Variants in ARID1A observed in about 807,000 individuals in gnomAD.
ARID1A encodes the protein AT-rich interactive domain-containing protein 1A.
ARID1A carries 20 observed loss-of-function variants against 212.6 expected under a neutral mutation model. The observed-to-expected ratio is 0.09, with a 90% CI of 0.07 to 0.14. The LOEUF (loss-of-function observed/expected upper bound fraction) is 0.14. Ranked by LOEUF, ARID1A falls within the 10% of genes least tolerant of loss-of-function variation. The pLI, the probability that ARID1A is intolerant of heterozygous loss-of-function variation, is 1.00. For synonymous variants in ARID1A, 1,376 were observed against 1,222.1 expected, an observed-to-expected ratio of 1.13 and a Z score of -2.63; for missense variants, 2,587 against 3,059.0, an observed-to-expected ratio of 0.85 and a Z score of 3.64.
intron 8 of ARID1A, 149 bp from the exon 9 acceptor site, chr1:26,766,071 TG>T: frequency 1.2e-6 from 1 of 838,518 alleles, no homozygotes; most frequent in Non-Finnish European, 1.8e-6. Flanking sequence ...AAATAATATC[TG>T]GATGTTGCAT....
chr1:26,769,668 C>T (rs2081067547), intron 11 of ARID1A: 1 of 152,244 alleles, frequency 6.6e-6, no homozygotes, highest in African/African-American at 2.4e-5. Flanking sequence ...ATCATATCAG[C>T]AGACATTACA....
intron 1 of ARID1A, 161 bp from the exon 2 acceptor site, chr1:26,729,490 G>T: frequency 1.3e-6 from 1 of 755,360 alleles, no homozygotes; most frequent in Non-Finnish European, 2.2e-6. Flanking sequence ...TCTGAGGCGG[G>T]TCAGTTGACT....
At chr1:26,722,287 C>T (rs936705427) in intron 1 of ARID1A, among the ~76,000 whole-genome samples, 1 of 152,120 alleles carries the variant, frequency 6.6e-6, no homozygotes, top group Non-Finnish European at 1.5e-5. Context: ...GCTCTGTCAC[C>T]CAGGCTGGAG....
chr1:26,767,738 CA>C, intron 10 of ARID1A, 51 bp from the exon 11 acceptor site: 1 of 1,509,786 alleles, frequency 6.6e-7, no homozygotes, highest in Middle Eastern at 1.8e-4. Flanking sequence ...AGACCCTTAG[CA>C]CAGGCTTTGA....
chr1:26,725,314 G>A (rs1447992173), intron 1 of ARID1A, among the ~76,000 whole-genome samples: 1 of 152,102 alleles, frequency 6.6e-6, no homozygotes, highest in African/African-American at 2.4e-5. Context: ...AAACTGATTA[G>A]TGAATATTTA....
chr1:26,751,352 G>C (rs1478971467), intron 4 of ARID1A, among the ~76,000 whole-genome samples: 1 of 152,080 alleles, frequency 6.6e-6, no homozygotes, highest in Non-Finnish European at 1.5e-5. Flanking sequence ...AGTGAGCCTC[G>C]TGAGGTTAGC....
At chr1:26,712,478 A>G (rs1035688908) in intron 1 of ARID1A, among the ~76,000 whole-genome samples, 1 of 152,162 alleles carries the variant, frequency 6.6e-6, no homozygotes, top group Non-Finnish European at 1.5e-5. Context: ...TGAGCCCAGG[A>G]GTTCGAGACC....
At chr1:26,726,891 G>A (rs2080624486) in intron 1 of ARID1A, among the ~76,000 whole-genome samples, 1 of 152,252 alleles carries the variant, frequency 6.6e-6, no homozygotes, top group Non-Finnish European at 1.5e-5. Flanking sequence ...AGAGATCAAA[G>A]TGTACTGAAG....
At chr1:26,764,373 A>G (rs1368050147) in intron 8 of ARID1A, 3 of 151,488 alleles carry the variant, frequency 2.0e-5, no homozygotes, top group African/African-American at 7.3e-5. Context: ...TTTAACTTCT[A>G]TCAGTCAACT....
At chr1:26,762,904 C>T (rs2081005603) in intron 7 of ARID1A, 69 bp from the exon 8 acceptor site, 1 of 1,380,362 alleles carries the variant, frequency 7.2e-7, no homozygotes, top group Non-Finnish European at 9.8e-7. Context: ...GTTTGGTGTT[C>T]TAGAGTTGAG....
chr1:26,710,494 T>TACATACACACACACACACAC (rs113290668), intron 1 of ARID1A, among the ~76,000 whole-genome samples: 6 of 131,520 alleles, frequency 4.6e-5, no homozygotes, highest in African/African-American at 1.8e-4. Context: ...AAATAATACA[T>TACATACACACACACACACAC]ACACACACAC....
In ARID1A at chr1:26,729,868, A is replaced by T. The variant is rs755440526; in HGVS notation, c.1350+5A>T. Reference sequence around the variant, plus strand: ...GGCCTCTCTTATACACAGCAGGTAGATGGTGATTGTGATTACCTTGACCCT... The same window carrying T: ...GGCCTCTCTTATACACAGCAGGTAGTTGGTGATTGTGATTACCTTGACCCT... On this transcript the variant is annotated splice_donor_5th_base_variant and intron_variant, in intron 2 of 19. Transcript: ENST00000324856. 6.2e-7 allele frequency: 1 copy of T among 1,612,288 alleles called. No homozygotes were observed. The highest frequency in any genetic ancestry group is 1.7e-5 in the Admixed American group (1 of 59,998).
intron 12 of ARID1A, chr1:26,772,064 G>A (rs776132948): frequency 5.1e-5 from 9 of 177,432 alleles, no homozygotes; most frequent in Non-Finnish European, 8.5e-5. Context: ...CATGCTGGAT[G>A]CTTTAGAACA....
rs2124742134 is a variant in ARID1A, at chr1:26,696,892, CGCCGCG to C, written c.495_500del (p.Ala166_Ala167del). 6 of 1,367,364 alleles carry C rather than the reference CGCCGCG, an allele frequency of 4.4e-6. No individual in the cohort carries two copies. Among genetic ancestry groups the C allele is most frequent in the African/African-American group, 1.5e-5 (1 of 65,830 alleles). 84.7% of individuals were successfully genotyped at this position (1,367,364 alleles called of 1,614,324 possible). On this transcript the variant is annotated inframe_deletion, in exon 1 of 20. Transcript: ENST00000324856. ...GCCGGAGCCCGTCTGCCGTCGCCGC[CGCCGCG>C]GCCGCCGTCTTCCACCAACAACATG...
chr1:26,769,829 G>A (rs1454365038), intron 11 of ARID1A: 5 of 152,362 alleles, frequency 3.3e-5, no homozygotes, highest in African/African-American at 9.6e-5. Context: ...ATTGTAGGGA[G>A]CATCTGGGGA....
In ARID1A at chr1:26,773,523, C is replaced by T. The variant is rs746599321; in HGVS notation, c.3866+27C>T. On this transcript the variant is annotated intron_variant, in intron 15 of 19. Coordinates refer to ENST00000324856, the MANE Select transcript of ARID1A (RefSeq NM_006015.6). ...TAAGCATGACCCCAGCTCCTGTCCA[C>T]TCCCCCAGCACCCTGAAGCTATAGT... 5.0e-6 allele frequency: 8 copies of T among 1,613,166 alleles called. No individual in the cohort carries two copies. The Middle Eastern group carries it at 4.9e-4, about 100-fold the overall frequency.
intron 4 of ARID1A, among the ~76,000 whole-genome samples, chr1:26,758,633 AAAG>A (rs1237931707): frequency 3.8e-4 from 57 of 151,950 alleles, no homozygotes; most frequent in African/African-American, 5.3e-4. Context: ...AAAAAAAAAA[AAAG>A]AAGAAGAAGA....
chr1:26,775,000 G>A lies in ARID1A; in HGVS notation c.4773G>A (p.Leu1591=). 2 of 1,561,514 alleles carry A rather than the reference G, an allele frequency of 1.3e-6. No homozygotes were observed. The highest frequency in any genetic ancestry group is 1.2e-5 in the South Asian group (1 of 83,554). The part of the protein sequence containing the change: ...HIPQVSSPAP[L]PRPMENRTSP... Reference sequence around the variant, plus strand: ...CTCAGGTATCCAGCCCTGCTCCCCTGCCCCGGCCAATGGAGAACCGCACCT... The same window carrying A: ...CTCAGGTATCCAGCCCTGCTCCCCTACCCCGGCCAATGGAGAACCGCACCT... Residue 1591 remains leucine (L), a synonymous_variant, in exon 18 of 20, where the codon CTG becomes CTA. Coordinates refer to ENST00000324856, the MANE Select transcript of ARID1A (RefSeq NM_006015.6). This position sits in a 1 kb window ranked among gnomAD's most constrained non-coding sequence, Gnocchi z 5.6.
rs397860721 is a variant in ARID1A at position 26,708,266 on chromosome 1, CTTTTTTTTTTTTTTTTTTTTTT to C, written c.1137+10741_1137+10762del. Reference sequence around the variant, plus strand: ...TCAGCCTTTAAGATACAGTCCTTCACTTTTTTTTTTTTTTTTTTTTTTTTTTTTTTTTTTTTGAGACGGAGTC... The same window carrying C: ...TCAGCCTTTAAGATACAGTCCTTCACTTTTTTTTTTTTTTGAGACGGAGTC... On this transcript the variant is annotated intron_variant, in intron 1 of 19. Coordinates refer to ENST00000324856, the MANE Select transcript of ARID1A (RefSeq NM_006015.6). Among the ~76,000 whole-genome samples the C allele has an allele frequency of 3.8e-4, 9 of 23,754 alleles. 1 individual carries two copies. The highest frequency in any genetic ancestry group is 2.9e-3 in the East Asian group (1 of 344). 15.6% of individuals were successfully genotyped at this position (23,754 alleles called of 152,430 possible). A position where few individuals can be genotyped will look rare whatever the true frequency, so the allele number is the denominator to read the frequency against.
Sources: allele counts gnomAD v4.1 joint callset (sites outside exome capture counted in the v4.1 genomes callset), GRCh38; gene constraint gnomAD v4.1.1; non-coding constraint Gnocchi (gnomAD v3.1); transcripts MANE v1.5; gene names NCBI Gene and HGNC (gene_info 2026-07-23, HGNC 2026-07-21).